PCTP: variants seen among roughly 807,000 people sequenced by gnomAD.
PCTP encodes phosphatidylcholine transfer protein, also known as START domain-containing protein 2.
PCTP carries 27 observed loss-of-function variants against 31.0 expected under a neutral mutation model. The ratio of observed to expected loss-of-function variants is 0.87; its 90% CI spans 0.64 to 1.20. The LOEUF (loss-of-function observed/expected upper bound fraction) is 1.20. PCTP is among the 50% of genes most tolerant of loss of function. PCTP has a pLI of 0.00. For missense variants in PCTP, 287 were observed against 268.2 expected (o/e 1.07, Z -0.49); for synonymous variants, 108 against 101.2 (o/e 1.07, Z -0.40).
At chr17:55,848,540 T>C in the PCTP span, among the ~76,000 whole-genome samples, 2 of 152,194 alleles carry the variant, frequency 1.3e-5, no homozygotes, top group Non-Finnish European at 2.9e-5. Flanking sequence ...GCACTAATAA[T>C]TTGCTTGAAT....
chr17:55,791,801 A>G (rs2145006550), intron 3 of PCTP, among the ~76,000 whole-genome samples: 1 of 152,276 alleles, frequency 6.6e-6, no homozygotes, highest in East Asian at 1.9e-4. Flanking sequence ...CCATCCCATT[A>G]CTGGGTATAT....
At chr17:55,751,303 C>G (rs936462362) in intron 1 of PCTP, 59 bp downstream of exon 1, 27 of 1,517,308 alleles carry the variant, frequency 1.8e-5, no homozygotes, top group Admixed American at 8.7e-5. Flanking sequence ...TCGACCTCCC[C>G]GCAGGGAGTG....
intron 1 of PCTP, among the ~76,000 whole-genome samples, chr17:55,753,631 A>G (rs776414618): frequency 1.2e-4 from 18 of 152,178 alleles, no homozygotes; most frequent in Admixed American, 2.6e-4. Flanking sequence ...CAGAAGGCAA[A>G]TGCTGCCTGG....
Position 55,807,401 on chromosome 17 carries a change from CAT to C in PCTP, c.318-15357_318-15356del, listed in dbSNP as rs143366217. On this transcript the variant is annotated intron_variant, in intron 3 of 3. Transcript: ENST00000572536. ...TTCACATGCGGCTTGGCAAGACTGA[CAT>C]ATGTATCAGAATCATATGTACAATT... 2.3e-3 allele frequency among the ~76,000 whole-genome samples: 343 copies of C among 152,284 alleles called. 1 individual carries two copies. The highest frequency in any genetic ancestry group is 7.9e-3 in the African/African-American group (330 of 41,558).
At chr17:55,827,257 T>A (rs1905430797), downstream of PCTP, among the ~76,000 whole-genome samples, 1 of 152,074 alleles carries the variant, frequency 6.6e-6, no homozygotes, top group South Asian at 2.1e-4. Flanking sequence ...TCATTTAGAA[T>A]CCTGCTCAGC....
the PCTP span, among the ~76,000 whole-genome samples, chr17:55,852,281 A>C: frequency 1.3e-5 from 2 of 152,190 alleles, no homozygotes; most frequent in Admixed American, 1.3e-4. Flanking sequence ...ATTTCATTGA[A>C]TATAACCCTC....
At position 55,773,793 on chromosome 17, in the gene PCTP, A is replaced by G. The variant is rs1308092503; in HGVS notation, c.409A>G (p.Ser137Gly). The change falls in exon 4 of 6, where the codon AGC becomes GGC. Residue 137 changes from serine to glycine, a missense_variant. By Grantham distance (56) the Ser-to-Gly change is moderately conservative (BLOSUM62 0). Transcript: ENST00000268896. ...GAAGATCCATGTGATCCTGGCCCGG[A>G]GCACCTCCATGCCTCAGCTTGGCGA... is the stretch of plus-strand genomic sequence containing the variant. Reference protein sequence around the residue: ...GRKIHVILARSTSMPQLGERS... With the variant: ...GRKIHVILARGTSMPQLGERS... 1 of 1,613,876 alleles carries G rather than the reference A, an allele frequency of 6.2e-7. No homozygotes were observed. Among genetic ancestry groups the G allele is most frequent in the Non-Finnish European group, 8.5e-7 (1 of 1,179,966 alleles).
In PCTP at chr17:55,794,030, AGAGTTACTCCTAGAT is replaced by A. The variant is rs1912097588; in HGVS notation, c.317+6379_317+6393del. On this transcript the variant is annotated intron_variant, in intron 3 of 3. Transcript: ENST00000572536. ...AAGTTGGCTGCATTGCAGAAATGAG[AGAGTTACTCCTAGAT>A]GACATTTAAGCTTAGATCTGAAAGA... Among the ~76,000 whole-genome samples, 5 of 152,264 alleles carry A rather than the reference AGAGTTACTCCTAGAT, an allele frequency of 3.3e-5. No homozygotes were observed. The South Asian group carries it at 8.3e-4, about 25-fold the overall frequency.
At chr17:55,772,623 C>T (rs1366785146) in intron 3 of PCTP, among the ~76,000 whole-genome samples, 2 of 150,506 alleles carry the variant, frequency 1.3e-5, no homozygotes, top group Non-Finnish European at 2.9e-5. Flanking sequence ...GAGGCTGAGA[C>T]GGCTGCCATG....
At chr17:55,778,154 C>T (rs187788281), downstream of PCTP, among the ~76,000 whole-genome samples, 1 of 148,562 alleles carries the variant, frequency 6.7e-6, no homozygotes, top group African/African-American at 2.5e-5. Context: ...ACAGTCCTCA[C>T]GAGCTGAGGT....
chr17:55,754,940 CACAT>C (rs1401473017), intron 1 of PCTP, among the ~76,000 whole-genome samples: 3 of 152,068 alleles, frequency 2.0e-5, no homozygotes, highest in Admixed American at 2.0e-4. Flanking sequence ...TATGTATACA[CACAT>C]ATGTAAATTA....
rs537298176 is a variant in PCTP, at chr17:55,766,482, A to G, written c.142-853A>G. Among the ~76,000 whole-genome samples the G allele has an allele frequency of 4.8e-3, 663 of 138,242 alleles. 7 individuals carry two copies. Among genetic ancestry groups the G allele is most frequent in the African/African-American group, 0.016 (598 of 36,340 alleles). 90.7% of individuals were successfully genotyped at this position (138,242 alleles called of 152,430 possible). ...TGTGTCCATGTGTTCTCATTGTTCA[A>G]TTCCCACCTATGAGTGAGAATATGT... is the stretch of plus-strand genomic sequence containing the variant. On this transcript the variant is annotated intron_variant, in intron 1 of 5. Transcript: ENST00000268896.
intron 3 of PCTP, among the ~76,000 whole-genome samples, chr17:55,822,402 A>C (rs1257058409): frequency 6.6e-6 from 1 of 152,212 alleles, no homozygotes; most frequent in Non-Finnish European, 1.5e-5. Flanking sequence ...CTTCTTGGAC[A>C]AAAGATGACC....
At chr17:55,780,986 C>T (rs1911542831), downstream of PCTP, among the ~76,000 whole-genome samples, 1 of 150,284 alleles carries the variant, frequency 6.7e-6, no homozygotes, top group Admixed American at 6.6e-5. Flanking sequence ...GAGAAATAGA[C>T]TTCTTTCTTA....
At chr17:55,774,327 A>G (rs1911186838) in intron 4 of PCTP, among the ~76,000 whole-genome samples, 2 of 152,158 alleles carry the variant, frequency 1.3e-5, no homozygotes, top group Non-Finnish European at 2.9e-5. Flanking sequence ...TTCAGCCCCC[A>G]GGGAGGAAAG....
chr17:55,783,777 T>C (rs1401386929), intron 2 of PCTP, among the ~76,000 whole-genome samples: 1 of 152,200 alleles, frequency 6.6e-6, no homozygotes, highest in Non-Finnish European at 1.5e-5. Flanking sequence ...GTTTGGCTCA[T>C]GTTCCCATTT....
intron 3 of PCTP, among the ~76,000 whole-genome samples, chr17:55,792,173 G>T (rs1247710866): frequency 1.8e-5 from 2 of 114,032 alleles, no homozygotes; most frequent in Admixed American, 1.0e-4. Context: ...GGGGGAGGGG[G>T]GAGGGTTAGC....
chr17:55,844,442 C>T (rs1598027421), downstream of PCTP, among the ~76,000 whole-genome samples: 1 of 152,098 alleles, frequency 6.6e-6, no homozygotes, highest in African/African-American at 2.4e-5. Context: ...GCTTCTGATT[C>T]GCCAATCTAT....
intron 3 of PCTP, among the ~76,000 whole-genome samples, chr17:55,794,004 A>G (rs908592506): frequency 1.3e-5 from 2 of 152,276 alleles, no homozygotes; most frequent in East Asian, 3.9e-4. Flanking sequence ...AATTGGTACA[A>G]AAGTTGGCTG....
Sources: gnomAD v4.1 joint callset for allele counts (sites outside exome capture counted in the v4.1 genomes callset) on GRCh38, gnomAD v4.1.1 for gene constraint, MANE v1.5 for transcripts, NCBI Gene and HGNC (gene_info 2026-07-23, HGNC 2026-07-21) for gene names.